The following UBE2E1 variants were observed in gnomAD, a reference collection of about 807,000 sequenced individuals.
UBE2E1 encodes ubiquitin conjugating enzyme E2 E1.
A neutral mutation model predicts 21.4 loss-of-function variants in UBE2E1; 6 were observed. The ratio of observed to expected loss-of-function variants is 0.28; its 90% CI spans 0.15 to 0.55. The LOEUF is 0.55. Among genes scored for constraint, UBE2E1 ranks in the 20% least tolerant of loss-of-function variants. The pLI is 0.93. For synonymous variants in UBE2E1, 87 were observed against 82.7 expected, an observed-to-expected ratio of 1.05 and a Z score of -0.28; for missense variants, 142 against 236.5, an observed-to-expected ratio of 0.60 and a Z score of 2.62.
chr3:23,811,838 G>C (rs1234310407), intron 3 of UBE2E1, among the ~76,000 whole-genome samples: 4 of 152,214 alleles, frequency 2.6e-5, no homozygotes, highest in African/African-American at 9.7e-5. Flanking sequence ...TTTCAGATGC[G>C]AAGGACATTT....
Position 23,842,381 on chromosome 3 carries a change from G to T in UBE2E1, c.203+30871G>T, listed in dbSNP as rs766719692. Among the ~76,000 whole-genome samples the T allele has an allele frequency of 6.6e-6, 1 of 152,102 alleles. No individual in the cohort carries two copies. The highest frequency in any genetic ancestry group is 1.5e-5 in the Non-Finnish European group (1 of 68,028). On this transcript the variant is annotated intron_variant, in intron 3 of 5. Coordinates refer to ENST00000306627, the MANE Select transcript of UBE2E1 (RefSeq NM_003341.5). The surrounding 1 kb of genome is among the most constrained non-coding windows in gnomAD (Gnocchi z 4.6). ...CCCACCTCGCCTCCTGAGTAGCTGG[G>T]ATGACAGGCACATGCCACGATTCCC...
In UBE2E1 at chr3:23,863,084, T is replaced by G. The variant is rs1700589273; in HGVS notation, c.204-24483T>G. 6.6e-6 allele frequency among the ~76,000 whole-genome samples: 1 copy of G among 152,154 alleles called. No individual in the cohort carries two copies. The highest frequency in any genetic ancestry group is 6.5e-5 in the Admixed American group (1 of 15,278). ...AAAAAAAAAAAAACTATTCCCAGCA[T>G]TTTGCTCTCTAGTGGCAACTACTTG... On this transcript the variant is annotated intron_variant, in intron 3 of 5. Transcript: ENST00000306627. This position sits in a 1 kb window ranked among gnomAD's most constrained non-coding sequence, Gnocchi z 4.3.
chr3:23,823,611 T>C lies in UBE2E1; in HGVS notation c.203+12101T>C, dbSNP rs1008041412. Among the ~76,000 whole-genome samples the C allele has an allele frequency of 6.6e-6, 1 of 152,242 alleles. No individual in the cohort carries two copies. The highest frequency in any genetic ancestry group is 2.4e-5 in the African/African-American group (1 of 41,462). ...TTAGCAGACTTTGCTACAACACATTTATCCTAAATAAAAGGAGATTGTTGA... is the reference window on the plus strand; with the variant it reads ...TTAGCAGACTTTGCTACAACACATTCATCCTAAATAAAAGGAGATTGTTGA... On this transcript the variant is annotated intron_variant, in intron 3 of 5. Transcript: ENST00000306627. The surrounding 1 kb of genome is among the most constrained non-coding windows in gnomAD (Gnocchi z 4.2).
At chr3:23,886,592 G>A (rs888621424) in intron 3 of UBE2E1, among the ~76,000 whole-genome samples, 10 of 152,248 alleles carry the variant, frequency 6.6e-5, no homozygotes, top group African/African-American at 2.2e-4. Context: ...AGAAAAACCT[G>A]TGATGGGTTT....
chr3:23,817,509 T>C (rs1050095473), intron 3 of UBE2E1, among the ~76,000 whole-genome samples: 6 of 151,444 alleles, frequency 4.0e-5, no homozygotes, highest in Non-Finnish European at 7.4e-5. Context: ...TGCACACACA[T>C]ATTTTGAATG....
chr3:23,887,228 A>G lies in UBE2E1; in HGVS notation c.204-339A>G, dbSNP rs1041384598. On this transcript the variant is annotated intron_variant, in intron 3 of 5. Coordinates refer to ENST00000306627, the MANE Select transcript of UBE2E1 (RefSeq NM_003341.5). The surrounding 1 kb of genome is among the most constrained non-coding windows in gnomAD (Gnocchi z 4.4). ...TGAGCAAAAACTGCTCGCATTTGTCACTAATTTCGCTTCTAGGTGCTGAGA... is the reference window on the plus strand; with the variant it reads ...TGAGCAAAAACTGCTCGCATTTGTCGCTAATTTCGCTTCTAGGTGCTGAGA... Among the ~76,000 whole-genome samples the G allele has an allele frequency of 6.6e-6, 1 of 152,182 alleles. No homozygotes were observed. The highest frequency in any genetic ancestry group is 2.4e-5 in the African/African-American group (1 of 41,442).
intron 3 of UBE2E1, among the ~76,000 whole-genome samples, chr3:23,819,781 G>A (rs11707828): frequency 0.78 from 119,059 of 152,128 alleles, 47,329 homozygotes; most frequent in African/African-American, 0.91. Context: ...AAGCAGTTTT[G>A]GCAATTTTGA....
intron 3 of UBE2E1, among the ~76,000 whole-genome samples, chr3:23,825,772 G>A (rs1339354412): frequency 6.6e-6 from 1 of 152,156 alleles, no homozygotes; most frequent in African/African-American, 2.4e-5. Flanking sequence ...AATGAGGTAG[G>A]CAGGGGTCAG....
chr3:23,855,301 A>G (rs909542300), intron 3 of UBE2E1, among the ~76,000 whole-genome samples: 1 of 152,204 alleles, frequency 6.6e-6, no homozygotes, highest in Non-Finnish European at 1.5e-5. Flanking sequence ...AAATTAGTAC[A>G]TCTTGATACG....
At chr3:23,889,559 G>C (rs1272573225) in intron 5 of UBE2E1, 13 of 1,376,718 alleles carry the variant, frequency 9.4e-6, no homozygotes, top group Non-Finnish European at 1.2e-5. Flanking sequence ...ATTTCCCATA[G>C]AGTTCTTATA....
intron 3 of UBE2E1, among the ~76,000 whole-genome samples, chr3:23,884,739 C>G (rs907884359): frequency 6.6e-6 from 1 of 152,134 alleles, no homozygotes; most frequent in African/African-American, 2.4e-5. Flanking sequence ...ACTCCTGCCT[C>G]TAGGAGGCAG....
At chr3:23,879,463 CAGGAT>C (rs1194709564) in intron 3 of UBE2E1, 1 of 416,900 alleles carries the variant, frequency 2.4e-6, no homozygotes, top group Non-Finnish European at 4.9e-6. Context: ...GCCGACTGGA[CAGGAT>C]AGAAGTGTGG....
At chr3:23,833,944 G>A (rs1301478591) in intron 3 of UBE2E1, among the ~76,000 whole-genome samples, 4 of 152,078 alleles carry the variant, frequency 2.6e-5, no homozygotes, top group African/African-American at 9.7e-5. Context: ...GCTGCAGTCA[G>A]CCGTGTTTGT....
At chr3:23,839,908 G>A (rs1700050103) in intron 3 of UBE2E1, among the ~76,000 whole-genome samples, 1 of 151,968 alleles carries the variant, frequency 6.6e-6, no homozygotes, top group South Asian at 2.1e-4. Context: ...ACCTTTTGAT[G>A]TAGTTTTTTT....
rs960627316 is a variant in UBE2E1, at chr3:23,836,665, G to A, written c.203+25155G>A. The stretch of plus-strand genomic sequence containing the variant: ...AACACACTCAGATCTAGGGAAGTGA[G>A]GTGACTTTCCTAAAATGGCTCAGCT... On this transcript the variant is annotated intron_variant, in intron 3 of 5. Transcript: ENST00000306627. This position sits in a 1 kb window ranked among gnomAD's most constrained non-coding sequence, Gnocchi z 4.1. 1.3e-5 allele frequency among the ~76,000 whole-genome samples: 2 copies of A among 152,156 alleles called. No homozygotes were observed. The highest frequency in any genetic ancestry group is 6.5e-5 in the Admixed American group (1 of 15,274).
At position 23,842,701 on chromosome 3, in the gene UBE2E1, C is replaced by T. The variant is rs570405381; in HGVS notation, c.203+31191C>T. Among the ~76,000 whole-genome samples the T allele has an allele frequency of 2.6e-5, 4 of 152,118 alleles. No homozygotes were observed. The South Asian group carries it at 6.2e-4, about 24-fold the overall frequency. On this transcript the variant is annotated intron_variant, in intron 3 of 5. Coordinates refer to ENST00000306627, the MANE Select transcript of UBE2E1 (RefSeq NM_003341.5). The surrounding 1 kb of genome is among the most constrained non-coding windows in gnomAD (Gnocchi z 4.6). ...TATCACAAATTACAAGTGCGCTATT[C>T]GGTTTTTAAAAATTTTAATTTTGGT...
Position 23,863,041 on chromosome 3 carries a change from T to C in UBE2E1, c.204-24526T>C, listed in dbSNP as rs1286885297. Among the ~76,000 whole-genome samples, 1 of 120,068 alleles carries C rather than the reference T, an allele frequency of 8.3e-6. No homozygotes were observed. Among genetic ancestry groups the C allele is most frequent in the African/African-American group, 3.4e-5 (1 of 29,014 alleles). The allele number at this position is 120,068 out of a possible 152,430, so 78.8% of individuals were successfully genotyped here. The stretch of plus-strand genomic sequence containing the variant: ...CTAACATAGTTTAAAGGCTTTAATA[T>C]TTCTTTGTTTGTTAAAAAAAAAAAA... On this transcript the variant is annotated intron_variant, in intron 3 of 5. Coordinates refer to ENST00000306627, the MANE Select transcript of UBE2E1 (RefSeq NM_003341.5). This position sits in a 1 kb window ranked among gnomAD's most constrained non-coding sequence, Gnocchi z 4.3.
rs1303106233 is a variant in UBE2E1 at position 23,810,604 on chromosome 3, G to A, written c.153-856G>A. The A allele has an allele frequency of 2.1e-6, 3 of 1,406,194 alleles. No individual in the cohort carries two copies. The African/African-American group carries it at 4.3e-5, about 20-fold the overall frequency. The allele number at this position is 1,406,194 out of a possible 1,614,324, so 87.1% of individuals were successfully genotyped here. A position where few individuals can be genotyped will look rare whatever the true frequency, so the allele number is the denominator to read the frequency against. On this transcript the variant is annotated intron_variant, in intron 2 of 5. Coordinates refer to ENST00000306627, the MANE Select transcript of UBE2E1 (RefSeq NM_003341.5). This position sits in a 1 kb window ranked among gnomAD's most constrained non-coding sequence, Gnocchi z 5.8. ...GGTCCGGTGCACCTGTGCGGCCGCG[G>A]GCCGGCCACTTGGGGTCTGTGGTGC...
In UBE2E1 at chr3:23,845,578, T is replaced by C. The variant is rs534024220; in HGVS notation, c.203+34068T>C. On this transcript the variant is annotated intron_variant, in intron 3 of 5. Transcript: ENST00000306627. ...GTTTTGGTTTCTCTCTCTCTCTCTC[T>C]CTCTCTCTCTCTGTGTGTGTGTGTG... Among the ~76,000 whole-genome samples the C allele has an allele frequency of 2.3e-4, 29 of 124,088 alleles. No individual in the cohort carries two copies. In the South Asian group the frequency reaches 7.7e-3, roughly 33 times the overall value. 81.4% of individuals were successfully genotyped at this position (124,088 alleles called of 152,430 possible).
Sources: gnomAD v4.1 joint callset for allele counts (sites outside exome capture counted in the v4.1 genomes callset) on GRCh38, gnomAD v4.1.1 for gene constraint, Gnocchi (gnomAD v3.1) non-coding constraint, MANE v1.5 for transcripts, NCBI Gene and HGNC (gene_info 2026-07-23, HGNC 2026-07-21) for gene names.